VSNL1: variants seen among roughly 807,000 people sequenced by gnomAD.
VSNL1 encodes visinin-like protein 1.
A neutral mutation model predicts 20.4 loss-of-function variants in VSNL1; 6 were observed. That is an observed-to-expected ratio of 0.29 (90% confidence interval 0.16 to 0.58). VSNL1 has a LOEUF of 0.58. Ranked by LOEUF, VSNL1 falls within the 20% of genes least tolerant of loss-of-function variation. The pLI, the probability that VSNL1 is intolerant of heterozygous loss-of-function variation, is 0.90. For synonymous variants in VSNL1, 93 were observed against 86.4 expected (o/e 1.08, Z -0.42); for missense variants, 100 against 234.5 (o/e 0.43, Z 3.75).
chr2:17,644,074 G>C (rs1242172621), intron 2 of VSNL1, among the ~76,000 whole-genome samples: 1 of 152,234 alleles, frequency 6.6e-6, no homozygotes, highest in Non-Finnish European at 1.5e-5. Flanking sequence ...CCCTGGAGCT[G>C]TGGTGACGAT....
chr2:17,567,960 G>GT (rs1267729000), intron 1 of VSNL1, among the ~76,000 whole-genome samples: 1 of 151,920 alleles, frequency 6.6e-6, no homozygotes, highest in Non-Finnish European at 1.5e-5. Flanking sequence ...TAATTTGTAG[G>GT]TATTTTACCT....
chr2:17,547,385 G>A (rs1663427400), intron 1 of VSNL1, among the ~76,000 whole-genome samples: 1 of 151,954 alleles, frequency 6.6e-6, no homozygotes, highest in Non-Finnish European at 1.5e-5. Flanking sequence ...AACCACTTTG[G>A]TCACTGAGTT....
intron 1 of VSNL1, among the ~76,000 whole-genome samples, chr2:17,550,141 A>C (rs1663498484): frequency 6.6e-6 from 1 of 152,196 alleles, no homozygotes; most frequent in Non-Finnish European, 1.5e-5. Context: ...CATATCATTC[A>C]ACTTTAGAAT....
chr2:17,606,008 A>G (rs1664937144), intron 2 of VSNL1, among the ~76,000 whole-genome samples: 1 of 152,222 alleles, frequency 6.6e-6, no homozygotes, highest in Non-Finnish European at 1.5e-5. Context: ...TCATAAGGGT[A>G]TTTGAGGTTG....
intron 1 of VSNL1, among the ~76,000 whole-genome samples, chr2:17,561,818 G>A (rs1225480716): frequency 6.6e-6 from 1 of 152,046 alleles, no homozygotes; most frequent in East Asian, 1.9e-4. Flanking sequence ...TGAATGATTG[G>A]GTAAATGGTG....
chr2:17,648,801 T>C (rs1666058313), intron 2 of VSNL1, among the ~76,000 whole-genome samples: 1 of 152,220 alleles, frequency 6.6e-6, no homozygotes. Context: ...AACCTCTTTA[T>C]GTCTCTCAAA....
chr2:17,582,918 A>G (rs1664384223), intron 1 of VSNL1, among the ~76,000 whole-genome samples: 1 of 152,116 alleles, frequency 6.6e-6, no homozygotes, highest in Admixed American at 6.5e-5. Context: ...GAATAAATGA[A>G]TGAATTGACT....
At position 17,655,625 on chromosome 2, in the gene VSNL1, A is replaced by C. The variant is rs1666216132; in HGVS notation, c.*231A>C. The C allele has an allele frequency of 4.0e-6, 2 of 496,406 alleles. No individual in the cohort carries two copies. The highest frequency in any genetic ancestry group is 7.0e-5 in the Admixed American group (2 of 28,468). The allele number at this position is 496,406 out of a possible 1,614,324, so 30.8% of individuals were successfully genotyped here. On this transcript the variant is annotated 3_prime_UTR_variant, in exon 4 of 4. Transcript: ENST00000295156. This position sits in a 1 kb window ranked among gnomAD's most constrained non-coding sequence, Gnocchi z 5.2. The stretch of plus-strand genomic sequence containing the variant: ...TAAAACAAAACAAACAACCTGCCAC[A>C]ATGTGATATGTGTAATATCATTTCA...
intron 1 of VSNL1, among the ~76,000 whole-genome samples, chr2:17,561,187 G>T (rs756032990): frequency 6.6e-6 from 1 of 152,128 alleles, no homozygotes; most frequent in Non-Finnish European, 1.5e-5. Context: ...TGATCAGTCT[G>T]AAAAATGGGG....
rs141297520 is a variant in VSNL1, at chr2:17,542,791, T to C, written c.-6+1873T>C. The stretch of plus-strand genomic sequence containing the variant: ...GGAATTAGGTATCAAAACTGATAAA[T>C]GCTTGGTCTTGGAGTCCCTGGCTCA... On this transcript the variant is annotated intron_variant, in intron 1 of 3. Transcript: ENST00000295156. Among the ~76,000 whole-genome samples the C allele has an allele frequency of 2.7e-3, 410 of 152,218 alleles. 3 individuals are homozygous for C. The highest frequency in any genetic ancestry group is 7.8e-3 in the African/African-American group (323 of 41,536).
chr2:17,610,808 T>A (rs1229150467), intron 2 of VSNL1, among the ~76,000 whole-genome samples: 1 of 152,148 alleles, frequency 6.6e-6, no homozygotes, highest in African/African-American at 2.4e-5. Flanking sequence ...TCCTCTGAAC[T>A]CTAGCCAGGC....
At chr2:17,613,436 C>T (rs1419256079) in intron 2 of VSNL1, among the ~76,000 whole-genome samples, 1 of 152,222 alleles carries the variant, frequency 6.6e-6, no homozygotes, top group Non-Finnish European at 1.5e-5. Context: ...ATTATGGCCA[C>T]AGGACAGCAA....
chr2:17,641,180 C>T lies in VSNL1; in HGVS notation c.163-8230C>T, dbSNP rs147088106. ...GAAATGAGAATCGATCTTGGATAGA[C>T]CACTTTATTCTGGAGGAGGTAGGGA... On this transcript the variant is annotated intron_variant, in intron 2 of 3. Transcript: ENST00000295156. Among the ~76,000 whole-genome samples the T allele has an allele frequency of 5.3e-5, 8 of 152,274 alleles. No homozygotes were observed. In the East Asian group the frequency reaches 1.5e-3, roughly 29 times the overall value.
chr2:17,592,191 A>G lies in VSNL1; in HGVS notation c.117A>G (p.Pro39=). 6.2e-7 allele frequency: 1 copy of G among 1,613,838 alleles called. No homozygotes were observed. Among genetic ancestry groups the G allele is most frequent in the South Asian group, 1.1e-5 (1 of 91,070 alleles). ...QWYKGFLKDC[P]SGRLNLEEFQ... ...ACAAAGGATTTCTCAAGGACTGTCC[A>G]AGTGGGAGGCTAAATCTCGAGGAAT... Residue 39 remains proline, a synonymous_variant, in exon 2 of 4, where the codon CCA becomes CCG. Transcript: ENST00000295156.
chr2:17,650,926 C>A (rs2103431769), intron 3 of VSNL1, among the ~76,000 whole-genome samples: 1 of 152,304 alleles, frequency 6.6e-6, no homozygotes, highest in Non-Finnish European at 1.5e-5. Flanking sequence ...ACTTGTGTTC[C>A]CTTCATTCAA....
chr2:17,602,904 A>G (rs1407504446), intron 2 of VSNL1, among the ~76,000 whole-genome samples: 1 of 152,186 alleles, frequency 6.6e-6, no homozygotes, highest in Non-Finnish European at 1.5e-5. Flanking sequence ...GCCAAGAGCT[A>G]TGGAGTGTGT....
intron 2 of VSNL1, among the ~76,000 whole-genome samples, chr2:17,601,654 G>T (rs574910943): frequency 4.7e-5 from 7 of 148,338 alleles, no homozygotes; most frequent in East Asian, 2.0e-4. Context: ...AAATAAATAG[G>T]CCAGGCATGG....
intron 2 of VSNL1, among the ~76,000 whole-genome samples, chr2:17,648,426 T>A (rs1453740095): frequency 6.6e-6 from 1 of 152,190 alleles, no homozygotes; most frequent in Non-Finnish European, 1.5e-5. Flanking sequence ...ACTTAGCAGG[T>A]GCAAAACTTA....
rs78672422 is a variant in VSNL1 at position 17,562,595 on chromosome 2, A to G, written c.-6+21677A>G. Among the ~76,000 whole-genome samples, 612 of 152,286 alleles carry G rather than the reference A, an allele frequency of 4.0e-3. 6 individuals carry two copies. Among genetic ancestry groups the G allele is most frequent in the African/African-American group, 0.014 (575 of 41,562 alleles). Reference sequence around the variant, plus strand: ...CTATAAGTATGCCCTTAGGTTTAAAAACTAGAGTCTATCCATAATGAGGGC... The same window carrying G: ...CTATAAGTATGCCCTTAGGTTTAAAGACTAGAGTCTATCCATAATGAGGGC... On this transcript the variant is annotated intron_variant, in intron 1 of 3. Coordinates refer to ENST00000295156, the MANE Select transcript of VSNL1 (RefSeq NM_003385.5).
Sources: gnomAD v4.1 joint callset for allele counts (sites outside exome capture counted in the v4.1 genomes callset) on GRCh38, gnomAD v4.1.1 for gene constraint, Gnocchi (gnomAD v3.1) non-coding constraint, MANE v1.5 for transcripts, NCBI Gene and HGNC (gene_info 2026-07-23, HGNC 2026-07-21) for gene names.